The following MLLT3 variants were observed in gnomAD, a reference collection of about 807,000 sequenced individuals.
MLLT3 encodes the protein MLLT3 super elongation complex subunit, also known as protein AF-9.
A neutral mutation model predicts 53.2 loss-of-function variants in MLLT3; 4 were observed. That is an observed-to-expected ratio of 0.08 (90% confidence interval 0.04 to 0.17). The LOEUF (loss-of-function observed/expected upper bound fraction) is 0.17. Among genes scored for constraint, MLLT3 ranks in the 10% least tolerant of loss-of-function variants. The pLI, the probability that MLLT3 is intolerant of heterozygous loss-of-function variation, is 1.00. For missense variants in MLLT3, 569 were observed against 684.0 expected, an observed-to-expected ratio of 0.83 and a Z score of 1.87; for synonymous variants, 283 against 230.6, an observed-to-expected ratio of 1.23 and a Z score of -2.06.
At chr9:20,399,977 C>A (rs1008147748) in intron 5 of MLLT3, among the ~76,000 whole-genome samples, 6 of 151,912 alleles carry the variant, frequency 3.9e-5, no homozygotes, top group African/African-American at 1.5e-4. Context: ...ACAAAAATAT[C>A]AGCATTTCAC....
chr9:20,449,112 C>G (rs890796927), intron 3 of MLLT3, among the ~76,000 whole-genome samples: 1 of 152,254 alleles, frequency 6.6e-6, no homozygotes. Context: ...TCCCGACTCC[C>G]CACTGCCTCT....
chr9:20,618,439 CAT>C (rs1363604849), intron 2 of MLLT3, among the ~76,000 whole-genome samples: 2 of 152,184 alleles, frequency 1.3e-5, no homozygotes, highest in Non-Finnish European at 2.9e-5. Context: ...CAATCTGAAT[CAT>C]GTGTAATTAC....
chr9:20,371,945 C>A (rs1373876751), intron 5 of MLLT3, among the ~76,000 whole-genome samples: 1 of 152,094 alleles, frequency 6.6e-6, no homozygotes, highest in East Asian at 1.9e-4. Flanking sequence ...AAGAGAAGAT[C>A]AAAATATGAA....
chr9:20,383,632 A>C (rs1037211251), intron 5 of MLLT3, among the ~76,000 whole-genome samples: 1 of 151,990 alleles, frequency 6.6e-6, no homozygotes, highest in Non-Finnish European at 1.5e-5. Context: ...AGTTACTATT[A>C]TCATCAATAG....
intron 2 of MLLT3, among the ~76,000 whole-genome samples, chr9:20,512,696 T>A (rs150869144): frequency 6.6e-6 from 1 of 152,198 alleles, no homozygotes; most frequent in Admixed American, 6.5e-5. Flanking sequence ...TGCAGCTGAT[T>A]TTATTTTCAA....
chr9:20,363,976 T>C (rs1001891086), intron 6 of MLLT3, among the ~76,000 whole-genome samples: 1 of 152,258 alleles, frequency 6.6e-6, no homozygotes, highest in African/African-American at 2.4e-5. Context: ...ATCACTGTGG[T>C]TGTAACTTGT....
chr9:20,495,866 C>T (rs1471457716), intron 2 of MLLT3, among the ~76,000 whole-genome samples: 1 of 152,158 alleles, frequency 6.6e-6, no homozygotes, highest in Admixed American at 6.5e-5. Context: ...TACATAACCC[C>T]TATCATAGGC....
intron 10 of MLLT3, among the ~76,000 whole-genome samples, chr9:20,352,715 A>G (rs986783218): frequency 6.6e-6 from 1 of 151,778 alleles, no homozygotes; most frequent in African/African-American, 2.4e-5. Flanking sequence ...AATGTTAAAA[A>G]AAAAAAAAAA....
Position 20,413,920 on chromosome 9 carries a change from C to CTTTTAAATAAAG in MLLT3, c.914_925dup (p.Lys308_Ser309insThrLeuPheLys). The stretch of plus-strand genomic sequence containing the variant: ...TATCAGTGGTGGTGCGCTAGAAAAA[C>CTTTTAAATAAAG]TTTTAAATAAAGCCTCTGAGCTACT... On this transcript the variant is annotated inframe_insertion, in exon 5 of 11. Transcript: ENST00000380338. 6.2e-7 allele frequency: 1 copy of CTTTTAAATAAAG among 1,613,392 alleles called. No individual in the cohort carries two copies. The highest frequency in any genetic ancestry group is 8.5e-7 in the Non-Finnish European group (1 of 1,179,882).
At chr9:20,387,219 C>T (rs919941274) in intron 5 of MLLT3, among the ~76,000 whole-genome samples, 2 of 152,142 alleles carry the variant, frequency 1.3e-5, no homozygotes, top group African/African-American at 4.8e-5. Flanking sequence ...TGAAAGCAGT[C>T]GCAGACAGTA....
chr9:20,367,293 G>C (rs1001430733), intron 5 of MLLT3, among the ~76,000 whole-genome samples: 6 of 152,116 alleles, frequency 3.9e-5, no homozygotes, highest in African/African-American at 1.2e-4. Context: ...GAAGTATCAT[G>C]TTTTCTTGTT....
intron 2 of MLLT3, among the ~76,000 whole-genome samples, chr9:20,492,375 C>G (rs189882197): frequency 6.6e-6 from 1 of 151,860 alleles, no homozygotes; most frequent in African/African-American, 2.4e-5. Flanking sequence ...TATCCTAGTT[C>G]TTAGGTTGGA....
rs1820751296 is a variant in MLLT3 at position 20,342,185 on chromosome 9, A to C, written c.*4258T>G. On this transcript the variant is annotated 3_prime_UTR_variant, in exon 11 of 11. Coordinates refer to ENST00000380338, the MANE Select transcript of MLLT3 (RefSeq NM_004529.4). ...AAATGACTCTCAGCAAATCAGTACAATTATACATTTTAAAAAAGGTGCTGA... is the reference window on the plus strand; with the variant it reads ...AAATGACTCTCAGCAAATCAGTACACTTATACATTTTAAAAAAGGTGCTGA... 4.6e-6 allele frequency: 1 copy of C among 217,810 alleles called. No individual in the cohort carries two copies. Among genetic ancestry groups the C allele is most frequent in the South Asian group, 1.9e-4 (1 of 5,402 alleles). The allele number at this position is 217,810 out of a possible 1,614,324, so 13.5% of individuals were successfully genotyped here.
intron 2 of MLLT3, among the ~76,000 whole-genome samples, chr9:20,602,150 C>T (rs1260365829): frequency 1.3e-5 from 2 of 152,080 alleles, no homozygotes; most frequent in East Asian, 1.9e-4. Flanking sequence ...TATTTTTTAG[C>T]GATATGAATC....
chr9:20,475,845 G>C (rs1824505968), intron 2 of MLLT3, among the ~76,000 whole-genome samples: 1 of 152,066 alleles, frequency 6.6e-6, no homozygotes, highest in Admixed American at 6.6e-5. Context: ...CATTTCAATA[G>C]GTTGAAGGGA....
At chr9:20,529,378 C>T (rs1045297625) in intron 2 of MLLT3, among the ~76,000 whole-genome samples, 1 of 152,216 alleles carries the variant, frequency 6.6e-6, no homozygotes, top group East Asian at 1.9e-4. Context: ...ACGTTTGTAA[C>T]TTAATTTGAA....
intron 2 of MLLT3, among the ~76,000 whole-genome samples, chr9:20,507,742 G>GAAAAAAAAAAAAAA (rs72452530): frequency 1.2e-5 from 1 of 84,566 alleles, no homozygotes; most frequent in African/African-American, 3.9e-5. Flanking sequence ...TCCCAAAATG[G>GAAAAAAAAAAAAAA]AAAAAAAAAA....
intron 2 of MLLT3, among the ~76,000 whole-genome samples, chr9:20,597,052 T>C (rs910462197): frequency 1.3e-5 from 2 of 150,776 alleles, no homozygotes; most frequent in African/African-American, 5.0e-5. Context: ...TTGATGCTAT[T>C]ATAAATAAAA....
chr9:20,534,122 C>T (rs1818416232), intron 2 of MLLT3, among the ~76,000 whole-genome samples: 2 of 151,962 alleles, frequency 1.3e-5, no homozygotes, highest in African/African-American at 4.8e-5. Context: ...AAAAAGCTAC[C>T]ACCAGAATAT....
Sources: allele counts gnomAD v4.1 joint callset (sites outside exome capture counted in the v4.1 genomes callset), GRCh38; gene constraint gnomAD v4.1.1; transcripts MANE v1.5; gene names NCBI Gene and HGNC (gene_info 2026-07-23, HGNC 2026-07-21).